Variants in MRAS observed in about 807,000 individuals in gnomAD.
The protein encoded by MRAS is ras-related protein M-Ras.
Under a neutral mutation model 20.9 loss-of-function variants are expected in MRAS, and 4 were observed. The ratio of observed to expected loss-of-function variants is 0.19; its 90% CI spans 0.09 to 0.44. MRAS has a LOEUF of 0.44. MRAS is among the 20% of genes least tolerant of loss of function. The probability of loss-of-function intolerance (pLI) is 0.99; values close to 1 mark genes in which losing one functional copy is unlikely to be tolerated. For missense variants in MRAS, 154 were observed against 277.5 expected (o/e 0.56, Z 3.16); for synonymous variants, 98 against 102.9 (o/e 0.95, Z 0.29).
At chr3:138,371,330 G>T (rs1018094945) in intron 1 of MRAS, among the ~76,000 whole-genome samples, 1 of 152,188 alleles carries the variant, frequency 6.6e-6, no homozygotes, top group Non-Finnish European at 1.5e-5. Flanking sequence ...ACCCACATTT[G>T]TGTCCAGCCC....
intron 2 of MRAS, among the ~76,000 whole-genome samples, chr3:138,384,734 C>T (rs75714288): frequency 0.022 from 3,415 of 152,010 alleles, 119 homozygotes; most frequent in African/African-American, 0.077. Context: ...AATGTGACTG[C>T]GGTTAGAGAA....
rs889647032 is a variant in MRAS at position 138,403,636 on chromosome 3, G to C, written c.*1367G>C. On this transcript the variant is annotated 3_prime_UTR_variant, in exon 6 of 6. Transcript: ENST00000423968. ...CAGCTCCCTGATGATGCTCACCCCC[G>C]CCCCCCCACCTCAGGTGCTGCTGGT... 6.6e-6 allele frequency: 1 copy of C among 152,530 alleles called. No individual in the cohort carries two copies. 9.4% of individuals were successfully genotyped at this position (152,530 alleles called of 1,614,324 possible).
chr3:138,393,560 C>G (rs1357860054), intron 2 of MRAS, among the ~76,000 whole-genome samples: 1 of 152,042 alleles, frequency 6.6e-6, no homozygotes, highest in South Asian at 2.1e-4. Flanking sequence ...ATTTTCAACT[C>G]CCTATTAATT....
intron 5 of MRAS, among the ~76,000 whole-genome samples, chr3:138,401,213 C>T (rs1203076478): frequency 6.6e-6 from 1 of 152,216 alleles, no homozygotes; most frequent in Non-Finnish European, 1.5e-5. Context: ...CTGGCTGCAT[C>T]CGCTGTCACC....
chr3:138,355,138 A>G (rs1335558691), intron 1 of MRAS, among the ~76,000 whole-genome samples: 1 of 152,152 alleles, frequency 6.6e-6, no homozygotes, highest in African/African-American at 2.4e-5. Flanking sequence ...GAAGGAAACT[A>G]AAAGTATGAT....
At chr3:138,375,709 C>T (rs2054769512) in intron 2 of MRAS, among the ~76,000 whole-genome samples, 1 of 152,146 alleles carries the variant, frequency 6.6e-6, no homozygotes, top group African/African-American at 2.4e-5. Flanking sequence ...AGAACCAAAT[C>T]ATGACTTCAA....
chr3:138,397,207 G>A (rs780967523), intron 2 of MRAS, 117 bp from the exon 3 acceptor site: 2 of 1,245,894 alleles, frequency 1.6e-6, no homozygotes, highest in East Asian at 2.5e-5. Context: ...CCTCTCACGG[G>A]ACAGCTCGGA....
At chr3:138,393,509 G>C (rs1023021681) in intron 2 of MRAS, among the ~76,000 whole-genome samples, 4 of 152,060 alleles carry the variant, frequency 2.6e-5, no homozygotes, top group African/African-American at 9.7e-5. Context: ...GACCTTCAAT[G>C]TCTGAGATGA....
At chr3:138,370,618 G>T (rs1208395844) in intron 1 of MRAS, among the ~76,000 whole-genome samples, 1 of 152,156 alleles carries the variant, frequency 6.6e-6, no homozygotes, top group Admixed American at 6.5e-5. Context: ...AGATTCCGGG[G>T]CCACAGCTGG....
At chr3:138,357,323 G>C (rs1330077424) in intron 1 of MRAS, among the ~76,000 whole-genome samples, 1 of 152,152 alleles carries the variant, frequency 6.6e-6, no homozygotes, top group Non-Finnish European at 1.5e-5. Flanking sequence ...GGGGACTCAG[G>C]GACTTTCAGT....
Position 138,403,766 on chromosome 3 carries a change from G to A in MRAS, c.*1497G>A, listed in dbSNP as rs532055245. ...CAGAATAAAAGGCAGCACAGCTGGT[G>A]ACCTTATTTTCTAGATGTTACAAAT... On this transcript the variant is annotated 3_prime_UTR_variant, in exon 6 of 6. Coordinates refer to ENST00000423968, the MANE Select transcript of MRAS (RefSeq NM_001085049.3). The A allele has an allele frequency of 1.3e-5, 2 of 152,730 alleles. No homozygotes were observed. The highest frequency in any genetic ancestry group is 4.8e-5 in the African/African-American group (2 of 41,562). 9.5% of individuals were successfully genotyped at this position (152,730 alleles called of 1,614,324 possible). A position where few individuals can be genotyped will look rare whatever the true frequency, so the allele number is the denominator to read the frequency against.
chr3:138,389,088 C>A (rs967909909), intron 2 of MRAS, among the ~76,000 whole-genome samples: 23 of 152,122 alleles, frequency 1.5e-4, no homozygotes, highest in Admixed American at 2.6e-4. Context: ...GATCCGCCCT[C>A]CTCGGCCTCC....
At chr3:138,391,056 T>C (rs1049900359) in intron 2 of MRAS, among the ~76,000 whole-genome samples, 8 of 152,180 alleles carry the variant, frequency 5.3e-5, no homozygotes, top group African/African-American at 1.9e-4. Flanking sequence ...TTTTTTTAAA[T>C]TGGTCCTTTG....
chr3:138,352,527 T>C (rs1453951101), intron 1 of MRAS, among the ~76,000 whole-genome samples: 1 of 152,212 alleles, frequency 6.6e-6, no homozygotes, highest in Non-Finnish European at 1.5e-5. Flanking sequence ...TATATAAAAA[T>C]GTATTTTTTG....
intron 2 of MRAS, among the ~76,000 whole-genome samples, chr3:138,375,799 A>G (rs142040614): frequency 2.1e-4 from 32 of 152,302 alleles, no homozygotes; most frequent in African/African-American, 7.7e-4. Flanking sequence ...AGGTGGGCAG[A>G]TTGCTTGAGC....
intron 2 of MRAS, among the ~76,000 whole-genome samples, chr3:138,377,450 C>CA (rs1298234783): frequency 3.9e-5 from 6 of 152,062 alleles, no homozygotes; most frequent in Admixed American, 6.5e-5. Context: ...ACTAAAAATA[C>CA]AAAAAAAATT....
intron 3 of MRAS, 29 bp downstream of exon 3, chr3:138,397,506 G>C: frequency 6.2e-7 from 1 of 1,612,544 alleles, no homozygotes; most frequent in Non-Finnish European, 8.5e-7. Context: ...TGAGAGTACC[G>C]GGAAGAGGCC....
At chr3:138,396,831 C>G (rs1372690189) in intron 2 of MRAS, among the ~76,000 whole-genome samples, 2 of 152,104 alleles carry the variant, frequency 1.3e-5, no homozygotes, top group African/African-American at 4.8e-5. Flanking sequence ...TCCCCCCAGG[C>G]ATGTCCACAA....
intron 1 of MRAS, among the ~76,000 whole-genome samples, chr3:138,368,402 AT>A (rs1185728665): frequency 6.6e-6 from 1 of 152,174 alleles, no homozygotes; most frequent in Non-Finnish European, 1.5e-5. Flanking sequence ...TATCTCACAC[AT>A]TTTATTTCAT....
Sources: gnomAD v4.1 joint callset for allele counts (sites outside exome capture counted in the v4.1 genomes callset) on GRCh38, gnomAD v4.1.1 for gene constraint, MANE v1.5 for transcripts, NCBI Gene and HGNC (gene_info 2026-07-23, HGNC 2026-07-21) for gene names.